Variants in LRGUK observed in about 807,000 individuals in gnomAD.
The protein encoded by LRGUK is leucine-rich repeat and guanylate kinase domain-containing protein.
A neutral mutation model predicts 76.0 loss-of-function variants in LRGUK; 65 were observed. The ratio of observed to expected loss-of-function variants is 0.85; its 90% CI spans 0.70 to 1.05. The LOEUF is 1.05. Among genes scored for constraint, LRGUK ranks in the 50% least tolerant of loss-of-function variants. LRGUK has a pLI of 0.00. For synonymous variants in LRGUK, 268 were observed against 265.6 expected (o/e 1.01, Z -0.09); for missense variants, 758 against 732.8 (o/e 1.03, Z -0.40).
At chr7:134,177,366 G>T (rs381356) in intron 9 of LRGUK, among the ~76,000 whole-genome samples, 5 of 151,932 alleles carry the variant, frequency 3.3e-5, no homozygotes, top group Non-Finnish European at 4.4e-5. Context: ...CAGACTATCA[G>T]TTTGAAAAAC....
At chr7:134,224,059 C>G (rs1585577231) in intron 16 of LRGUK, among the ~76,000 whole-genome samples, 1 of 152,230 alleles carries the variant, frequency 6.6e-6, no homozygotes, top group Non-Finnish European at 1.5e-5. Context: ...AAATCCAGCT[C>G]TTTCCAGATC....
chr7:134,254,956 T>C (rs1802540178), intron 18 of LRGUK, among the ~76,000 whole-genome samples: 1 of 152,222 alleles, frequency 6.6e-6, no homozygotes, highest in South Asian at 2.1e-4. Flanking sequence ...TGGCTTTCTA[T>C]GTGTGATTTT....
intron 5 of LRGUK, 110 bp downstream of exon 5, chr7:134,148,429 T>A: frequency 1.5e-6 from 1 of 646,424 alleles, no homozygotes; most frequent in Non-Finnish European, 2.6e-6. Flanking sequence ...ATAAGCAATT[T>A]AATAGAGACG....
downstream of LRGUK, among the ~76,000 whole-genome samples, chr7:134,210,943 G>A (rs553439860): frequency 6.6e-5 from 10 of 152,330 alleles, 1 homozygote; most frequent in South Asian, 1.4e-3. Flanking sequence ...TGCGCCCCAG[G>A]AGCAGTCAGA....
intron 16 of LRGUK, among the ~76,000 whole-genome samples, chr7:134,222,798 G>A (rs1801635193): frequency 6.6e-6 from 1 of 152,000 alleles, no homozygotes; most frequent in African/African-American, 2.4e-5. Flanking sequence ...AGTAGAGATG[G>A]GGTTTTTCTT....
chr7:134,212,330 T>C (rs1801306003), downstream of LRGUK, among the ~76,000 whole-genome samples: 1 of 152,234 alleles, frequency 6.6e-6, no homozygotes, highest in Non-Finnish European at 1.5e-5. Flanking sequence ...GATGTGACTC[T>C]TAAAAAGCTG....
At chr7:134,214,593 CTATT>C (rs1389953688), downstream of LRGUK, among the ~76,000 whole-genome samples, 1 of 151,982 alleles carries the variant, frequency 6.6e-6, no homozygotes, top group Non-Finnish European at 1.5e-5. Context: ...TTAGAGGAAA[CTATT>C]TATTGCGTAG....
intron 19 of LRGUK, among the ~76,000 whole-genome samples, chr7:134,260,968 C>T (rs553072118): frequency 2.3e-4 from 35 of 152,238 alleles, no homozygotes; most frequent in African/African-American, 6.7e-4. Context: ...TGGGGTGAGG[C>T]GGGGCAAGGG....
At chr7:134,205,777 A>G (rs1800979717) in intron 15 of LRGUK, among the ~76,000 whole-genome samples, 1 of 152,202 alleles carries the variant, frequency 6.6e-6, no homozygotes, top group African/African-American at 2.4e-5. Flanking sequence ...AAACCTATAC[A>G]TAATGTCATG....
chr7:134,247,491 T>C (rs1802333084), intron 16 of LRGUK, 65 bp from the exon 17 acceptor site: 9 of 1,159,730 alleles, frequency 7.8e-6, no homozygotes, highest in South Asian at 7.6e-5. Flanking sequence ...AGAATTATTA[T>C]AGATGTTTTA....
rs55960970 is a variant in LRGUK, at chr7:134,150,283, C to CAA, written c.670+1971_670+1972dup. Among the ~76,000 whole-genome samples, 799 of 147,210 alleles carry CAA rather than the reference C, an allele frequency of 5.4e-3. 1 individual carries two copies. Among genetic ancestry groups the CAA allele is most frequent in the Admixed American group, 9.2e-3 (137 of 14,924 alleles). Reference sequence around the variant, plus strand: ...GAGCCCGAGACTCTGTCTCAAAAAACAAAAAAAACAAAAAAAAACAAAAAA... The same window carrying CAA: ...GAGCCCGAGACTCTGTCTCAAAAAACAAAAAAAAAACAAAAAAAAACAAAAAA... On this transcript the variant is annotated intron_variant, in intron 5 of 15. Coordinates refer to ENST00000645682, the Ensembl canonical transcript of LRGUK.
At chr7:134,173,839 G>T (rs555331896) in intron 7 of LRGUK, among the ~76,000 whole-genome samples, 2 of 152,286 alleles carry the variant, frequency 1.3e-5, no homozygotes, top group Non-Finnish European at 2.9e-5. Context: ...GCTTTGGCCG[G>T]GTGGCTCATG....
At chr7:134,137,260 G>A (rs1375561115) in intron 2 of LRGUK, 130 bp downstream of exon 2, 5 of 659,464 alleles carry the variant, frequency 7.6e-6, no homozygotes, top group Non-Finnish European at 1.3e-5. Flanking sequence ...GGAGACTGGT[G>A]ACAAGAGATA....
chr7:134,132,561 A>G (rs1797359387), intron 1 of LRGUK, among the ~76,000 whole-genome samples: 1 of 152,194 alleles, frequency 6.6e-6, no homozygotes, highest in African/African-American at 2.4e-5. Context: ...TAAGGCATAA[A>G]AAGCAAACAA....
At chr7:134,174,483 C>A in intron 7 of LRGUK, 73 bp from the exon 8 acceptor site, 1 of 921,400 alleles carries the variant, frequency 1.1e-6, no homozygotes, top group Non-Finnish European at 1.7e-6. Context: ...CCCAAACTGG[C>A]TTCTATTGTA....
chr7:134,129,743 G>A (rs144078929), intron 1 of LRGUK, among the ~76,000 whole-genome samples: 6 of 151,914 alleles, frequency 3.9e-5, no homozygotes, highest in African/African-American at 1.4e-4. Flanking sequence ...CCTAAGTGCT[G>A]GTGTTACAGG....
At chr7:134,211,552 A>C (rs964075351), downstream of LRGUK, among the ~76,000 whole-genome samples, 2 of 152,212 alleles carry the variant, frequency 1.3e-5, no homozygotes, top group Non-Finnish European at 2.9e-5. Context: ...TCTGTGATCA[A>C]ATGCTTCAGA....
intron 3 of LRGUK, among the ~76,000 whole-genome samples, 176 bp from the exon 4 acceptor site, chr7:134,142,886 T>G (rs1797825064): frequency 6.6e-6 from 1 of 152,238 alleles, no homozygotes; most frequent in Non-Finnish European, 1.5e-5. Flanking sequence ...TTTCTACCTT[T>G]TTTTTGTATA....
At chr7:134,147,911 A>C (rs1001006928) in intron 4 of LRGUK, among the ~76,000 whole-genome samples, 12 of 152,116 alleles carry the variant, frequency 7.9e-5, no homozygotes, top group South Asian at 2.1e-4. Flanking sequence ...AATACAAAAA[A>C]ATTAGCCAGT....
Sources: allele counts gnomAD v4.1 joint callset (sites outside exome capture counted in the v4.1 genomes callset), GRCh38; gene constraint gnomAD v4.1.1; transcripts MANE v1.5; gene names NCBI Gene and HGNC (gene_info 2026-07-23, HGNC 2026-07-21).